FARS2: variants seen among roughly 807,000 people sequenced by gnomAD.
FARS2 encodes phenylalanine--tRNA ligase, mitochondrial.
FARS2 carries 40 observed loss-of-function variants against 46.4 expected under a neutral mutation model. The ratio of observed to expected loss-of-function variants is 0.86; its 90% CI spans 0.67 to 1.12. The LOEUF is 1.12. Ranked by LOEUF, FARS2 falls within the 50% of genes most tolerant of loss-of-function variation. FARS2 has a pLI of 0.00. For synonymous variants in FARS2, 234 were observed against 214.9 expected (o/e 1.09, Z -0.78); for missense variants, 513 against 567.9 (o/e 0.90, Z 0.98).
chr6:5,678,411 T>G (rs1409203531), intron 6 of FARS2, among the ~76,000 whole-genome samples: 1 of 152,170 alleles, frequency 6.6e-6, no homozygotes, highest in Non-Finnish European at 1.5e-5. Flanking sequence ...AGGAGACGCT[T>G]TGGCCTCCTG....
intron 4 of FARS2, among the ~76,000 whole-genome samples, chr6:5,478,195 T>C (rs1020861379): frequency 6.6e-6 from 1 of 152,216 alleles, no homozygotes; most frequent in East Asian, 1.9e-4. Flanking sequence ...CGCAGATTGA[T>C]GTGGCTGTAA....
At chr6:5,643,373 T>C (rs1340841198) in intron 6 of FARS2, among the ~76,000 whole-genome samples, 2 of 152,106 alleles carry the variant, frequency 1.3e-5, no homozygotes, top group East Asian at 3.9e-4. Flanking sequence ...AGAAACAAGA[T>C]GTGGGCTCAG....
At position 5,723,965 on chromosome 6, in the gene FARS2, C is replaced by CGGTGGCCACGCTGG. The variant is rs557550362; in HGVS notation, c.1218-47324_1218-47311dup. Among the ~76,000 whole-genome samples, 565 of 102,154 alleles carry CGGTGGCCACGCTGG rather than the reference C, an allele frequency of 5.5e-3. 3 individuals carry two copies. Among genetic ancestry groups the CGGTGGCCACGCTGG allele is most frequent in the East Asian group, 0.024 (106 of 4,328 alleles). The allele number at this position is 102,154 out of a possible 152,430, so 67.0% of individuals were successfully genotyped here. On this transcript the variant is annotated intron_variant, in intron 6 of 6. Coordinates refer to ENST00000274680, the MANE Select transcript of FARS2 (RefSeq NM_006567.5). Reference sequence around the variant, plus strand: ...AAGACAGAGGAAACACCCTGCAGAGCGGTGGCCACGCTGGGCTGTCCACCG... The same window carrying CGGTGGCCACGCTGG: ...AAGACAGAGGAAACACCCTGCAGAGCGGTGGCCACGCTGGGGTGGCCACGCTGGGCTGTCCACCG...
At chr6:5,560,873 A>G (rs1170187355) in intron 5 of FARS2, among the ~76,000 whole-genome samples, 4 of 152,186 alleles carry the variant, frequency 2.6e-5, no homozygotes, top group African/African-American at 9.7e-5. Flanking sequence ...TCACGCCTGT[A>G]ATCCCAACAC....
intron 5 of FARS2, among the ~76,000 whole-genome samples, chr6:5,557,587 C>T (rs557388618): frequency 1.3e-5 from 2 of 152,100 alleles, no homozygotes; most frequent in African/African-American, 4.8e-5. Flanking sequence ...ACGAACAATG[C>T]CACATGTGTA....
At chr6:5,304,018 A>G (rs975102669) in intron 1 of FARS2, among the ~76,000 whole-genome samples, 1 of 152,152 alleles carries the variant, frequency 6.6e-6, no homozygotes, top group Non-Finnish European at 1.5e-5. Context: ...CCTGAGTAAC[A>G]TAGCAGGCTG....
At chr6:5,460,768 G>C (rs771371050) in intron 4 of FARS2, among the ~76,000 whole-genome samples, 6 of 152,178 alleles carry the variant, frequency 3.9e-5, no homozygotes, top group Non-Finnish European at 7.3e-5. Context: ...CCAAGCTGCA[G>C]AATGATGGCC....
At chr6:5,301,121 G>A (rs1768267695) in intron 1 of FARS2, among the ~76,000 whole-genome samples, 1 of 152,044 alleles carries the variant, frequency 6.6e-6, no homozygotes, top group Non-Finnish European at 1.5e-5. Context: ...TTTTTTTCTA[G>A]TCTGTAGTCT....
Position 5,441,707 on chromosome 6 carries a change from A to T in FARS2, c.904+10535A>T, listed in dbSNP as rs866563957. On this transcript the variant is annotated intron_variant, in intron 4 of 6. Transcript: ENST00000274680. ...TTTGCTATTACAAATGCTACTGCTG[A>T]ACATTCTTGCACCTCTGAATGTATA... Among the ~76,000 whole-genome samples the T allele has an allele frequency of 4.6e-5, 7 of 152,314 alleles. No individual in the cohort carries two copies. In the South Asian group the frequency reaches 1.5e-3, roughly 32 times the overall value.
chr6:5,633,262 C>CTTTTTTTTT (rs59797062), intron 6 of FARS2, among the ~76,000 whole-genome samples: 3 of 50,084 alleles, frequency 6.0e-5, no homozygotes, highest in Non-Finnish European at 7.3e-5. Flanking sequence ...CCATCCCTGG[C>CTTTTTTTTT]TTTTTTTTTT....
chr6:5,381,766 C>T (rs1321029247), intron 2 of FARS2, among the ~76,000 whole-genome samples: 3 of 152,094 alleles, frequency 2.0e-5, no homozygotes, highest in East Asian at 3.8e-4. Flanking sequence ...TTGGGTATGA[C>T]CAGATGTCAG....
At chr6:5,578,148 T>G (rs1230635926) in intron 5 of FARS2, among the ~76,000 whole-genome samples, 2 of 152,332 alleles carry the variant, frequency 1.3e-5, no homozygotes, top group East Asian at 3.9e-4. Flanking sequence ...TGTGATAATA[T>G]TTCCATTTCA....
intron 6 of FARS2, among the ~76,000 whole-genome samples, chr6:5,679,900 A>T (rs1238181645): frequency 2.7e-5 from 4 of 146,410 alleles, no homozygotes; most frequent in Non-Finnish European, 6.0e-5. Context: ...CTAGAGTGAG[A>T]TCCTTTTACT....
At chr6:5,600,231 A>G (rs570095837) in intron 5 of FARS2, among the ~76,000 whole-genome samples, 1 of 152,354 alleles carries the variant, frequency 6.6e-6, no homozygotes, top group East Asian at 1.9e-4. Context: ...TGATTTCATT[A>G]TGGAAATACT....
At chr6:5,602,630 A>G (rs2150638565) in intron 5 of FARS2, among the ~76,000 whole-genome samples, 2 of 114,388 alleles carry the variant, frequency 1.7e-5, no homozygotes, top group East Asian at 6.0e-4. Context: ...CTGGCAATAG[A>G]GTGAGACTCC....
chr6:5,637,420 G>A (rs769330108), intron 6 of FARS2, among the ~76,000 whole-genome samples: 2 of 152,170 alleles, frequency 1.3e-5, no homozygotes, highest in African/African-American at 4.8e-5. Flanking sequence ...CCCGTGCAGC[G>A]TTCCTGGCTG....
intron 6 of FARS2, among the ~76,000 whole-genome samples, chr6:5,632,213 G>A (rs1582631582): frequency 6.6e-6 from 1 of 152,236 alleles, no homozygotes; most frequent in African/African-American, 2.4e-5. Flanking sequence ...GCAGATTATA[G>A]GAGGAGAATC....
intron 4 of FARS2, among the ~76,000 whole-genome samples, chr6:5,454,973 G>A (rs1197033672): frequency 1.3e-5 from 2 of 152,170 alleles, no homozygotes; most frequent in Admixed American, 6.5e-5. Flanking sequence ...TTGTGATTAT[G>A]TCTTTATTTA....
At position 5,355,590 on chromosome 6, in the gene FARS2, C is replaced by G. The variant is rs183878118; in HGVS notation, c.-21-12960C>G. On this transcript the variant is annotated intron_variant, in intron 1 of 6. Transcript: ENST00000274680. Reference sequence around the variant, plus strand: ...GCCAGGCTGGTCTTGAACTCCTGACCTTGTGATCCGTACGCCTCGGCCTCC... The same window carrying G: ...GCCAGGCTGGTCTTGAACTCCTGACGTTGTGATCCGTACGCCTCGGCCTCC... 2.8e-3 allele frequency among the ~76,000 whole-genome samples: 419 copies of G among 152,086 alleles called. 5 individuals are homozygous for G. The highest frequency in any genetic ancestry group is 0.016 in the South Asian group (78 of 4,816).
Sources: allele counts gnomAD v4.1 joint callset (sites outside exome capture counted in the v4.1 genomes callset), GRCh38; gene constraint gnomAD v4.1.1; transcripts MANE v1.5; gene names NCBI Gene and HGNC (gene_info 2026-07-23, HGNC 2026-07-21).